FUT8: variants seen among roughly 807,000 people sequenced by gnomAD.
FUT8 encodes the protein fucosyltransferase 8, also known as alpha-(1,6)-fucosyltransferase.
A neutral mutation model predicts 71.3 loss-of-function variants in FUT8; 29 were observed. That is an observed-to-expected ratio of 0.41 (90% CI 0.30 to 0.55). The LOEUF (loss-of-function observed/expected upper bound fraction) is 0.55, where lower values mean the gene tolerates loss of function less well. Among genes scored for constraint, FUT8 ranks in the 20% least tolerant of loss-of-function variants. The pLI, the probability that FUT8 is intolerant of heterozygous loss-of-function variation, is 0.34. For missense variants in FUT8, 544 were observed against 702.1 expected (o/e 0.77, Z 2.55); for synonymous variants, 254 against 239.3 (o/e 1.06, Z -0.57).
chr14:65,697,991 CAA>C (rs11383641), intron 7 of FUT8, among the ~76,000 whole-genome samples: 2 of 132,548 alleles, frequency 1.5e-5, no homozygotes, highest in Non-Finnish European at 1.6e-5. Flanking sequence ...AACTCCATCT[CAA>C]AAAAAAAAAA....
At chr14:65,395,924 T>C in the FUT8 span, among the ~76,000 whole-genome samples, 1 of 152,246 alleles carries the variant, frequency 6.6e-6, no homozygotes, top group African/African-American at 2.4e-5. Context: ...GCTTTGCTGC[T>C]TAGAAATTTC....
At chr14:65,421,178 C>T (rs117111111) in intron 1 of FUT8, among the ~76,000 whole-genome samples, 53 of 123,686 alleles carry the variant, frequency 4.3e-4, no homozygotes, top group African/African-American at 1.5e-3. Context: ...GGCGACAGAG[C>T]GGGACTCCAT....
At chr14:65,697,138 A>G (rs150321076) in intron 7 of FUT8, among the ~76,000 whole-genome samples, 134 of 152,336 alleles carry the variant, frequency 8.8e-4, no homozygotes, top group African/African-American at 3.2e-3. Context: ...GAGGTATTGG[A>G]TAAAAAGGAA....
intron 6 of FUT8, among the ~76,000 whole-genome samples, chr14:65,665,621 A>G (rs1182701714): frequency 6.6e-6 from 1 of 152,208 alleles, no homozygotes; most frequent in Non-Finnish European, 1.5e-5. Flanking sequence ...TACCGTAAAG[A>G]TACATGTATG....
At chr14:65,465,187 G>T (rs1294628136) in intron 2 of FUT8, among the ~76,000 whole-genome samples, 1 of 151,984 alleles carries the variant, frequency 6.6e-6, no homozygotes, top group Non-Finnish European at 1.5e-5. Context: ...GTTTTCTTCT[G>T]CTTCCTTTGG....
At chr14:65,735,729 C>T (rs1033277407) in intron 10 of FUT8, among the ~76,000 whole-genome samples, 8 of 151,998 alleles carry the variant, frequency 5.3e-5, no homozygotes, top group African/African-American at 9.7e-5. Flanking sequence ...GATGACTAAC[C>T]GCTGTAGCAT....
chr14:65,546,998 T>G (rs1885019736), intron 2 of FUT8, among the ~76,000 whole-genome samples: 1 of 151,786 alleles, frequency 6.6e-6, no homozygotes, highest in South Asian at 2.1e-4. Context: ...AGGTATGACT[T>G]CGTATTTATT....
At chr14:65,517,001 CATA>C (rs1882754967) in intron 2 of FUT8, among the ~76,000 whole-genome samples, 1 of 151,404 alleles carries the variant, frequency 6.6e-6, no homozygotes, top group African/African-American at 2.4e-5. Context: ...TTGTATTTAG[CATA>C]ATGTCTTCAA....
At chr14:65,681,430 A>G (rs896458578) in intron 7 of FUT8, among the ~76,000 whole-genome samples, 1 of 152,218 alleles carries the variant, frequency 6.6e-6, no homozygotes, top group African/African-American at 2.4e-5. Flanking sequence ...TTTCACTAGA[A>G]TTAATCCTCT....
chr14:65,471,740 G>GTT (rs1254192864), intron 2 of FUT8, among the ~76,000 whole-genome samples: 10 of 144,062 alleles, frequency 6.9e-5, no homozygotes, highest in Non-Finnish European at 1.2e-4. Flanking sequence ...TGGATTATCA[G>GTT]TTTTTTTTTT....
chr14:65,628,442 G>A (rs934630006), intron 5 of FUT8, among the ~76,000 whole-genome samples: 6 of 152,216 alleles, frequency 3.9e-5, no homozygotes, highest in South Asian at 4.1e-4. Context: ...TGGAAGCAGG[G>A]AGACCTTGTT....
chr14:65,552,567 T>C (rs1425874267), intron 2 of FUT8, among the ~76,000 whole-genome samples: 1 of 152,204 alleles, frequency 6.6e-6, no homozygotes, highest in East Asian at 1.9e-4. Flanking sequence ...GGAGGTCAGT[T>C]ACTTACTGCT....
intron 3 of FUT8, among the ~76,000 whole-genome samples, chr14:65,605,605 C>A (rs550444079): frequency 6.6e-6 from 1 of 151,946 alleles, no homozygotes; most frequent in Non-Finnish European, 1.5e-5. Context: ...TCAGAAGAAA[C>A]CAAACCTGCT....
chr14:65,629,676 A>C, intron 6 of FUT8, 70 bp downstream of exon 6: 1 of 1,092,504 alleles, frequency 9.2e-7, no homozygotes, highest in Non-Finnish European at 1.4e-6. Flanking sequence ...AAGAGTAATA[A>C]TTTCAGTTGT....
chr14:65,522,822 A>C (rs115148566), intron 2 of FUT8, among the ~76,000 whole-genome samples: 2,555 of 144,694 alleles, frequency 0.018, 71 homozygotes, highest in African/African-American at 0.062. Context: ...AACATGTGGT[A>C]TTTGGTTTAC....
At chr14:65,402,395 G>A in the FUT8 span, among the ~76,000 whole-genome samples, 5 of 151,796 alleles carry the variant, frequency 3.3e-5, no homozygotes, top group South Asian at 4.2e-4. Context: ...GGGGCTGGGC[G>A]TGGTGGCTCA....
chr14:65,417,630 C>T (rs1036711265), intron 1 of FUT8, among the ~76,000 whole-genome samples: 2 of 151,996 alleles, frequency 1.3e-5, no homozygotes, highest in Non-Finnish European at 2.9e-5. Flanking sequence ...AAAAAAATAC[C>T]TCTTTGTGGT....
intron 9 of FUT8, among the ~76,000 whole-genome samples, chr14:65,730,730 C>T (rs1895939327): frequency 6.6e-6 from 1 of 152,236 alleles, no homozygotes; most frequent in African/African-American, 2.4e-5. Flanking sequence ...GTGACTGTGG[C>T]AGCCATTGCT....
chr14:65,668,791 A>G (rs576530647), intron 6 of FUT8, among the ~76,000 whole-genome samples: 1 of 152,338 alleles, frequency 6.6e-6, no homozygotes, highest in East Asian at 1.9e-4. Context: ...GATGCCCATC[A>G]GTGGTAGACT....
Sources: gnomAD v4.1 joint callset for allele counts (sites outside exome capture counted in the v4.1 genomes callset) on GRCh38, gnomAD v4.1.1 for gene constraint, MANE v1.5 for transcripts, NCBI Gene and HGNC (gene_info 2026-07-23, HGNC 2026-07-21) for gene names.